Variants in ANK3 observed in about 807,000 individuals in gnomAD.
ANK3 encodes ankyrin 3.
A neutral mutation model predicts 370.9 loss-of-function variants in ANK3; 57 were observed. The observed-to-expected ratio is 0.15, with a 90% CI of 0.12 to 0.19. The LOEUF (loss-of-function observed/expected upper bound fraction) is 0.19, where lower values mean the gene tolerates loss of function less well. Ranked by LOEUF, ANK3 falls within the 10% of genes least tolerant of loss-of-function variation. The pLI is 1.00. For synonymous variants in ANK3, 1,929 were observed against 1,946.3 expected, an observed-to-expected ratio of 0.99 and a Z score of 0.23; for missense variants, 4,439 against 5,302.1, an observed-to-expected ratio of 0.84 and a Z score of 5.06.
chr10:60,410,718 G>A (rs1391648290), intron 2 of ANK3, among the ~76,000 whole-genome samples: 2 of 151,950 alleles, frequency 1.3e-5, no homozygotes, highest in Non-Finnish European at 2.9e-5. Flanking sequence ...CCAAGCTGGA[G>A]TGCAATTGTG....
At chr10:60,728,439 A>ACAATAAAT (rs150468252) in intron 1 of ANK3, among the ~76,000 whole-genome samples, 18,590 of 152,166 alleles carry the variant, frequency 0.12, 1,666 homozygotes, top group East Asian at 0.28. Context: ...TTTTTTAAAA[A>ACAATAAAT]CAATAAATGT....
chr10:60,191,483 G>A (rs1393185639), intron 16 of ANK3, among the ~76,000 whole-genome samples: 5 of 152,000 alleles, frequency 3.3e-5, no homozygotes, highest in Admixed American at 6.6e-5. Flanking sequence ...AAAAATGATC[G>A]TCATCACTAA....
chr10:60,601,057 T>A (rs2078054273), intron 2 of ANK3, among the ~76,000 whole-genome samples: 1 of 152,090 alleles, frequency 6.6e-6, no homozygotes, highest in Non-Finnish European at 1.5e-5. Flanking sequence ...GAAATATCTT[T>A]TGGAACTCTA....
rs141642027 is a variant in ANK3 at position 60,325,405 on chromosome 10, T to C, written c.115-45766A>G. Among the ~76,000 whole-genome samples the C allele has an allele frequency of 5.5e-3, 835 of 152,328 alleles. 4 individuals are homozygous for C. The highest frequency in any genetic ancestry group is 0.02 in the Middle Eastern group (6 of 294). The stretch of plus-strand genomic sequence containing the variant: ...GAAATTATACATGTCCTTTCTCAGC[T>C]GGAACACTTAACTGCCAGCCTGAGA... On this transcript the variant is annotated intron_variant, in intron 1 of 43. Coordinates refer to ENST00000280772, the MANE Select transcript of ANK3 (RefSeq NM_020987.5).
At chr10:60,082,046 A>G in intron 35 of ANK3, 104 bp downstream of exon 35, 2 of 856,752 alleles carry the variant, frequency 2.3e-6, no homozygotes. Flanking sequence ...CCTGAAAAAT[A>G]TAATTTATAT....
intron 14 of ANK3, 62 bp downstream of exon 14, chr10:60,198,278 G>A: frequency 6.5e-7 from 1 of 1,548,268 alleles, no homozygotes; most frequent in Non-Finnish European, 8.9e-7. Context: ...TTACTATGCG[G>A]GGAAACGTAA....
chr10:60,653,369 A>T (rs955757435), intron 1 of ANK3, among the ~76,000 whole-genome samples: 2 of 150,766 alleles, frequency 1.3e-5, no homozygotes, highest in East Asian at 3.9e-4. Flanking sequence ...TTTTTTTCCC[A>T]TACAGATTTC....
intron 13 of ANK3, among the ~76,000 whole-genome samples, chr10:60,199,532 AT>A (rs1319365146): frequency 6.6e-6 from 1 of 152,172 alleles, no homozygotes; most frequent in Non-Finnish European, 1.5e-5. Flanking sequence ...GTGCAAATGT[AT>A]ATTTACATAT....
intron 2 of ANK3, among the ~76,000 whole-genome samples, chr10:60,557,436 T>C (rs1040460202): frequency 2.2e-4 from 33 of 151,712 alleles, no homozygotes; most frequent in Non-Finnish European, 3.5e-4. Flanking sequence ...AATGGGAAAA[T>C]ACATAGAGAA....
intron 42 of ANK3, among the ~76,000 whole-genome samples, chr10:60,051,962 C>A (rs2078132532): frequency 6.6e-6 from 1 of 151,988 alleles, no homozygotes; most frequent in Admixed American, 6.5e-5. Context: ...TAAATTGGGC[C>A]ATATTTCATT....
intron 1 of ANK3, among the ~76,000 whole-genome samples, chr10:60,374,558 A>G (rs1342237756): frequency 6.6e-6 from 1 of 152,176 alleles, no homozygotes; most frequent in Non-Finnish European, 1.5e-5. Flanking sequence ...TCTCACCAGA[A>G]CTAAGGTCAG....
At chr10:60,302,493 A>C (rs2044040482) in intron 1 of ANK3, among the ~76,000 whole-genome samples, 1 of 152,180 alleles carries the variant, frequency 6.6e-6, no homozygotes, top group South Asian at 2.1e-4. Context: ...TAATTTCTTT[A>C]CATACATTAT....
intron 2 of ANK3, among the ~76,000 whole-genome samples, chr10:60,533,139 C>T (rs921353639): frequency 6.6e-6 from 1 of 152,174 alleles, no homozygotes. Flanking sequence ...CAGACCCTTG[C>T]TGCTCAATTT....
intron 23 of ANK3, among the ~76,000 whole-genome samples, chr10:60,162,861 C>T (rs995055844): frequency 6.6e-6 from 1 of 152,092 alleles, no homozygotes; most frequent in Non-Finnish European, 1.5e-5. Context: ...TTCCACTTCT[C>T]ATTATCTCCC....
At chr10:60,547,680 GAGAGAC>G (rs909933073) in intron 2 of ANK3, among the ~76,000 whole-genome samples, 11 of 152,000 alleles carry the variant, frequency 7.2e-5, no homozygotes, top group African/African-American at 1.7e-4. Context: ...GACAGAGAGA[GAGAGAC>G]AGAGACAGAG....
chr10:60,131,482 G>A (rs1254513533), intron 25 of ANK3, among the ~76,000 whole-genome samples: 1 of 152,188 alleles, frequency 6.6e-6, no homozygotes, highest in East Asian at 1.9e-4. Context: ...TGGGTCTATA[G>A]AAGTGTTCAT....
chr10:60,515,789 A>T (rs1196157639), intron 2 of ANK3, among the ~76,000 whole-genome samples: 1 of 152,184 alleles, frequency 6.6e-6, no homozygotes, highest in Non-Finnish European at 1.5e-5. Flanking sequence ...AGAGAAAACC[A>T]GAAGCAAACA....
chr10:60,719,140 GC>G (rs1401082724), intron 1 of ANK3, among the ~76,000 whole-genome samples: 2 of 151,976 alleles, frequency 1.3e-5, no homozygotes, highest in African/African-American at 4.8e-5. Context: ...AATACTCACT[GC>G]TTGGTAACTT....
intron 2 of ANK3, among the ~76,000 whole-genome samples, chr10:60,503,380 T>C (rs917046121): frequency 2.4e-4 from 37 of 152,312 alleles, no homozygotes; most frequent in African/African-American, 8.7e-4. Context: ...ACCAGAACTA[T>C]GCAAGCACTT....
Sources: gnomAD v4.1 joint callset for allele counts (sites outside exome capture counted in the v4.1 genomes callset) on GRCh38, gnomAD v4.1.1 for gene constraint, MANE v1.5 for transcripts, NCBI Gene and HGNC (gene_info 2026-07-23, HGNC 2026-07-21) for gene names.